TMCO1: variants seen among roughly 807,000 people sequenced by gnomAD.
TMCO1 encodes calcium load-activated calcium channel.
Under a neutral mutation model 29.3 loss-of-function variants are expected in TMCO1, and 29 were observed. That is an observed-to-expected ratio of 0.99 (90% CI 0.74 to 1.35). The LOEUF is 1.35. Among genes scored for constraint, TMCO1 ranks in the 40% most tolerant of loss-of-function variants. TMCO1 has a pLI of 0.00. For missense variants in TMCO1, 173 were observed against 225.5 expected (o/e 0.77, Z 1.49); for synonymous variants, 80 against 77.1 (o/e 1.04, Z -0.20).
chr1:165,760,541 C>T (rs1244708214), intron 2 of TMCO1, among the ~76,000 whole-genome samples: 1 of 151,984 alleles, frequency 6.6e-6, no homozygotes, highest in African/African-American at 2.4e-5. Context: ...CAGCGGCTCA[C>T]ACCTGTAATT....
chr1:165,736,732 A>AC (rs1380962819), intron 6 of TMCO1, among the ~76,000 whole-genome samples: 1 of 151,514 alleles, frequency 6.6e-6, no homozygotes, highest in Non-Finnish European at 1.5e-5. Flanking sequence ...AAAAAAAAAA[A>AC]AACAAAAAAC....
rs1650937700 is a variant in TMCO1, at chr1:165,727,300, T to G, written c.*723A>C. ...TTTATTTATTTATTTATATTTAATT[T>G]TTTTTCAGACATCAGTGTTACTTGC... On this transcript the variant is annotated 3_prime_UTR_variant, in exon 7 of 7. Coordinates refer to ENST00000367881, the MANE Select transcript of TMCO1 (RefSeq NM_019026.6). 1 of 448,310 alleles carries G rather than the reference T, an allele frequency of 2.2e-6. No homozygotes were observed. The highest frequency in any genetic ancestry group is 4.4e-6 in the Non-Finnish European group (1 of 225,028). 27.8% of individuals were successfully genotyped at this position (448,310 alleles called of 1,614,324 possible).
At chr1:165,738,487 C>T (rs536799129) in intron 6 of TMCO1, among the ~76,000 whole-genome samples, 12 of 152,070 alleles carry the variant, frequency 7.9e-5, no homozygotes, top group Admixed American at 1.3e-4. Flanking sequence ...AAAACAACAA[C>T]ATGTAACCTA....
chr1:165,728,506 T>C (rs1449983724), intron 6 of TMCO1, among the ~76,000 whole-genome samples: 1 of 152,032 alleles, frequency 6.6e-6, no homozygotes, highest in African/African-American at 2.4e-5. Flanking sequence ...TCTGCCCACC[T>C]CGGCCTCCCA....
chr1:165,725,024 C>CTCTCTCTCTCTCTCTCTA (rs1415499190), downstream of TMCO1: 1 of 90,758 alleles, frequency 1.1e-5, no homozygotes, highest in Non-Finnish European at 2.2e-5. Flanking sequence ...CTCTCTCTCT[C>CTCTCTCTCTCTCTCTCTA]TATATATATA....
At chr1:165,735,393 A>T (rs1651327673) in intron 6 of TMCO1, among the ~76,000 whole-genome samples, 1 of 152,352 alleles carries the variant, frequency 6.6e-6, no homozygotes, top group East Asian at 1.9e-4. Context: ...TGAAGAATCA[A>T]AAAGCTACTG....
intron 6 of TMCO1, among the ~76,000 whole-genome samples, chr1:165,740,343 G>C (rs1651547879): frequency 6.6e-6 from 1 of 151,610 alleles, no homozygotes; most frequent in Admixed American, 6.6e-5. Flanking sequence ...TGGGACTACG[G>C]GTGACCACCA....
In TMCO1 at chr1:165,761,878, A is replaced by G. The variant is rs540743291; in HGVS notation, c.149-2294T>C. 8.5e-5 allele frequency among the ~76,000 whole-genome samples: 13 copies of G among 152,086 alleles called. No homozygotes were observed. In the South Asian group the frequency reaches 1.7e-3, roughly 19 times the overall value. On this transcript the variant is annotated intron_variant, in intron 2 of 6. Coordinates refer to ENST00000367881, the MANE Select transcript of TMCO1 (RefSeq NM_019026.6). ...ATGAGAGGATCATGGAAGCCCAGGA[A>G]GTCAAGACTGCAGTGAGCCATGATT...
chr1:165,734,032 T>A (rs1466269792), intron 6 of TMCO1, among the ~76,000 whole-genome samples: 1 of 152,238 alleles, frequency 6.6e-6, no homozygotes, highest in African/African-American at 2.4e-5. Context: ...ATAACACACC[T>A]ATGGCAATCC....
downstream of TMCO1, chr1:165,726,730 T>G: frequency 2.2e-6 from 1 of 454,140 alleles, no homozygotes; most frequent in Non-Finnish European, 4.4e-6. Context: ...ATGCCATACC[T>G]TCACCTTGGG....
At chr1:165,754,134 T>C (rs1652099938) in intron 4 of TMCO1, 94 bp downstream of exon 4, 1 of 1,054,136 alleles carries the variant, frequency 9.5e-7, no homozygotes, top group Non-Finnish European at 1.5e-6. Context: ...GGTGATAAAT[T>C]TCTGAAAAGG....
At chr1:165,761,599 C>G (rs1371309531) in intron 2 of TMCO1, among the ~76,000 whole-genome samples, 1 of 151,930 alleles carries the variant, frequency 6.6e-6, no homozygotes, top group Non-Finnish European at 1.5e-5. Flanking sequence ...AATGAACATA[C>G]TAGTGAGAGA....
chr1:165,749,085 ACCGAAAGACAT>A (rs1319865768), intron 5 of TMCO1, among the ~76,000 whole-genome samples: 2 of 152,156 alleles, frequency 1.3e-5, no homozygotes, highest in African/African-American at 4.8e-5. Flanking sequence ...CCTTTCACCT[ACCGAAAGACAT>A]CTTGATTCCT....
rs111997091 is a variant in TMCO1 at position 165,763,123 on chromosome 1, C to G, written c.149-3539G>C. 3.8e-3 allele frequency among the ~76,000 whole-genome samples: 573 copies of G among 152,262 alleles called. 2 individuals are homozygous for G. Among genetic ancestry groups the G allele is most frequent in the Non-Finnish European group, 6.1e-3 (416 of 68,018 alleles). On this transcript the variant is annotated intron_variant, in intron 2 of 6. Transcript: ENST00000367881. Reference sequence around the variant, plus strand: ...TCAGCACAAGCAAAGTAACCTGTATCAAATTCTGATTCAAACCTCTTTATA... The same window carrying G: ...TCAGCACAAGCAAAGTAACCTGTATGAAATTCTGATTCAAACCTCTTTATA...
At chr1:165,725,303 ATTGTCTGAT>A (rs1367778153), downstream of TMCO1, 1 of 453,962 alleles carries the variant, frequency 2.2e-6, no homozygotes, top group Admixed American at 2.4e-5. Flanking sequence ...AGCTCTATCA[ATTGTCTGAT>A]GTAATTTTAA....
chr1:165,742,342 A>G (rs77689008), intron 6 of TMCO1, among the ~76,000 whole-genome samples: 5,174 of 151,848 alleles, frequency 0.034, 307 homozygotes, highest in African/African-American at 0.12. Flanking sequence ...GTCTCACTTC[A>G]AGCTCAAATT....
chr1:165,735,805 A>G (rs73020529), intron 6 of TMCO1, among the ~76,000 whole-genome samples: 2,019 of 152,212 alleles, frequency 0.013, 54 homozygotes, highest in African/African-American at 0.047. Context: ...ATGAGCCACC[A>G]CGCCTGGGTC....
At chr1:165,768,526 T>G (rs1164671515) in intron 1 of TMCO1, 156 bp downstream of exon 1, 1 of 1,553,786 alleles carries the variant, frequency 6.4e-7, no homozygotes, top group Non-Finnish European at 8.7e-7. Flanking sequence ...ACTCCCCTCC[T>G]GCTCCTGTTC....
chr1:165,743,640 A>C (rs1028304035), intron 5 of TMCO1, among the ~76,000 whole-genome samples: 4 of 152,138 alleles, frequency 2.6e-5, no homozygotes, highest in African/African-American at 9.7e-5. Context: ...TTAGAAATTA[A>C]AAATGAGAAA....
Sources: allele counts gnomAD v4.1 joint callset (sites outside exome capture counted in the v4.1 genomes callset), GRCh38; gene constraint gnomAD v4.1.1; transcripts MANE v1.5; gene names NCBI Gene and HGNC (gene_info 2026-07-23, HGNC 2026-07-21).